OSBPL8: variants seen among roughly 807,000 people sequenced by gnomAD.
The protein encoded by OSBPL8 is oxysterol binding protein like 8, also known as oxysterol-binding protein-related protein 8.
OSBPL8 carries 59 observed loss-of-function variants against 125.5 expected under a neutral mutation model. That is an observed-to-expected ratio of 0.47 (90% CI 0.38 to 0.58). The LOEUF is 0.58. Ranked by LOEUF, OSBPL8 falls within the 20% of genes least tolerant of loss-of-function variation. OSBPL8 has a pLI of 0.00. For synonymous variants in OSBPL8, 330 were observed against 338.9 expected (o/e 0.97, Z 0.29); for missense variants, 758 against 1,047.8 (o/e 0.72, Z 3.82).
chr12:76,441,878 T>C (rs1279395251), intron 4 of OSBPL8, among the ~76,000 whole-genome samples: 1 of 152,090 alleles, frequency 6.6e-6, no homozygotes, highest in Non-Finnish European at 1.5e-5. Flanking sequence ...TTTGATAGCA[T>C]AACAGGGTGA....
intron 18 of OSBPL8, 59 bp downstream of exon 18, chr12:76,373,285 A>ATTT (rs71311107): frequency 8.9e-4 from 817 of 920,502 alleles, no homozygotes; most frequent in South Asian, 1.4e-3. Flanking sequence ...TTTAAATGTG[A>ATTT]TTTTTTTTTT....
chr12:76,513,601 G>C (rs973933587), intron 1 of OSBPL8, among the ~76,000 whole-genome samples: 1 of 151,750 alleles, frequency 6.6e-6, no homozygotes, highest in Non-Finnish European at 1.5e-5. Context: ...ATAAATCTGG[G>C]TGCTCCTGTG....
At chr12:76,505,200 G>T (rs1164822419) in intron 1 of OSBPL8, among the ~76,000 whole-genome samples, 1 of 152,132 alleles carries the variant, frequency 6.6e-6, no homozygotes, top group Non-Finnish European at 1.5e-5. Flanking sequence ...CAGCTGGCAA[G>T]AAGAACCCAT....
intron 2 of OSBPL8, among the ~76,000 whole-genome samples, chr12:76,465,998 T>A (rs1875381961): frequency 6.6e-6 from 1 of 151,694 alleles, no homozygotes; most frequent in African/African-American, 2.4e-5. Context: ...CAAGACTCTG[T>A]CTCAAAAAAG....
chr12:76,398,063 G>A (rs1299131163), intron 7 of OSBPL8, among the ~76,000 whole-genome samples, 166 bp from the exon 8 acceptor site: 1 of 152,156 alleles, frequency 6.6e-6, no homozygotes, highest in Admixed American at 6.5e-5. Context: ...ACATGAAAAT[G>A]ACATGGCTCT....
chr12:76,474,764 T>C (rs182241824), intron 2 of OSBPL8, among the ~76,000 whole-genome samples: 3 of 152,330 alleles, frequency 2.0e-5, no homozygotes, highest in Admixed American at 2.0e-4. Context: ...ATTACAGGCG[T>C]GAGCCACTGC....
At chr12:76,388,314 T>C (rs1953405338) in intron 12 of OSBPL8, among the ~76,000 whole-genome samples, 1 of 152,230 alleles carries the variant, frequency 6.6e-6, no homozygotes, top group Non-Finnish European at 1.5e-5. Flanking sequence ...TCTATACTTT[T>C]GGTAAATACT....
intron 1 of OSBPL8, among the ~76,000 whole-genome samples, chr12:76,544,231 A>T (rs1950722382): frequency 6.6e-6 from 1 of 152,080 alleles, no homozygotes; most frequent in Non-Finnish European, 1.5e-5. Context: ...AAACAGTTTC[A>T]CCCCTGCGGT....
In OSBPL8 at chr12:76,386,153, A is replaced by G. The variant is rs1287190177; in HGVS notation, c.1533+15T>C. ...TTCCAGATCAGTTTTGTTTCCATACATGCATTTCTAATACCTGTTCAGCAA... is the reference window on the plus strand; with the variant it reads ...TTCCAGATCAGTTTTGTTTCCATACGTGCATTTCTAATACCTGTTCAGCAA... On this transcript the variant is annotated intron_variant, in intron 14 of 23. Transcript: ENST00000261183. 6.2e-7 allele frequency: 1 copy of G among 1,600,416 alleles called. No individual in the cohort carries two copies. Among genetic ancestry groups the G allele is most frequent in the African/African-American group, 1.4e-5 (1 of 73,912 alleles).
chr12:76,371,556 T>G lies in OSBPL8; in HGVS notation c.1946A>C (p.Lys649Thr). 6.2e-7 allele frequency: 1 copy of G among 1,607,758 alleles called. No individual in the cohort carries two copies. The highest frequency in any genetic ancestry group is 8.5e-7 in the Non-Finnish European group (1 of 1,177,064). ...WDSEVFITDK[K>T]TDNSEVFWNP... ...CCAGAAAACCTCTGAATTATCAGTC[T>G]TTTTATCAGTAATAAAAACTTCACT... The change falls in exon 19 of 24, where the codon AAG becomes ACG. Residue 649 changes from lysine to threonine, a missense_variant. This residue lies in a region of OSBPL8 where 572 missense variants were observed against 762.0 expected (regional missense o/e 0.75). Coordinates refer to ENST00000261183, the MANE Select transcript of OSBPL8 (RefSeq NM_020841.5).
Position 76,546,885 on chromosome 12 carries a change from T to TA in OSBPL8, c.-68+12511dup, listed in dbSNP as rs546179008. Among the ~76,000 whole-genome samples, 894 of 152,078 alleles carry TA rather than the reference T, an allele frequency of 5.9e-3. 5 individuals carry two copies. The highest frequency in any genetic ancestry group is 0.034 in the Middle Eastern group (10 of 294). ...TGACTTCCTGGACAATGAGCAAATT[T>TA]AAAAAAAATGTAAAGGGGCCAATTA... is the stretch of plus-strand genomic sequence containing the variant. On this transcript the variant is annotated intron_variant, in intron 1 of 23. Transcript: ENST00000261183.
intron 11 of OSBPL8, chr12:76,390,047 C>A: frequency 2.4e-6 from 1 of 411,208 alleles, no homozygotes; most frequent in Non-Finnish European, 4.2e-6. Context: ...TACAAGAGAT[C>A]CACTACAAAA....
At chr12:76,547,645 GA>G (rs1950817644) in intron 1 of OSBPL8, among the ~76,000 whole-genome samples, 1 of 152,036 alleles carries the variant, frequency 6.6e-6, no homozygotes, top group African/African-American at 2.4e-5. Flanking sequence ...AGAAGTAAAT[GA>G]AAAAGAATAA....
chr12:76,445,174 T>C (rs1872602178), intron 4 of OSBPL8, among the ~76,000 whole-genome samples: 1 of 152,102 alleles, frequency 6.6e-6, no homozygotes, highest in Non-Finnish European at 1.5e-5. Flanking sequence ...TAGGAGGCTG[T>C]GGTACTACTC....
intron 10 of OSBPL8, among the ~76,000 whole-genome samples, 159 bp from the exon 11 acceptor site, chr12:76,390,816 C>T (rs1186909398): frequency 6.6e-6 from 1 of 151,886 alleles, no homozygotes; most frequent in Non-Finnish European, 1.5e-5. Flanking sequence ...TCAAAATAAC[C>T]CTATGAGATA....
chr12:76,371,633 G>T, intron 18 of OSBPL8, 49 bp from the exon 19 acceptor site: 1 of 1,439,310 alleles, frequency 6.9e-7, no homozygotes. Context: ...TACTTAGAAG[G>T]CAATTATATA....
chr12:76,354,178 A>G lies in OSBPL8; in HGVS notation c.*1711T>C, dbSNP rs1179841890. 6 of 152,422 alleles carry G rather than the reference A, an allele frequency of 3.9e-5. No individual in the cohort carries two copies. Among genetic ancestry groups the G allele is most frequent in the African/African-American group, 1.4e-4 (6 of 41,460 alleles). 9.4% of individuals were successfully genotyped at this position (152,422 alleles called of 1,614,324 possible). A position where few individuals can be genotyped will look rare whatever the true frequency, so the allele number is the denominator to read the frequency against. On this transcript the variant is annotated 3_prime_UTR_variant, in exon 24 of 24. Transcript: ENST00000261183. ...TATTGACAAATATAAAATATAACCA[A>G]AAACCCATTTGTTCTAATATCATGA... is the stretch of plus-strand genomic sequence containing the variant.
intron 4 of OSBPL8, among the ~76,000 whole-genome samples, chr12:76,417,324 T>C (rs1337543351): frequency 1.3e-5 from 2 of 152,252 alleles, no homozygotes; most frequent in Non-Finnish European, 2.9e-5. Context: ...GTTTTCACCC[T>C]CTGTCTTTGA....
Position 76,459,909 on chromosome 12 carries a change from GT to G in OSBPL8, c.43-15del, listed in dbSNP as rs1874505933. The G allele has an allele frequency of 6.2e-7, 1 of 1,613,358 alleles. No individual in the cohort carries two copies. Among genetic ancestry groups the G allele is most frequent in the Non-Finnish European group, 8.5e-7 (1 of 1,179,906 alleles). On this transcript the variant is annotated splice_polypyrimidine_tract_variant and intron_variant, in intron 2 of 23. Coordinates refer to ENST00000261183, the MANE Select transcript of OSBPL8 (RefSeq NM_020841.5). The stretch of plus-strand genomic sequence containing the variant: ...ATCACCAAGAAGCTTTTAAGGCAGG[GT>G]AATTGAGCAGCAAACAAATACAGTC...
Sources: allele counts gnomAD v4.1 joint callset (sites outside exome capture counted in the v4.1 genomes callset), GRCh38; gene constraint gnomAD v4.1.1; regional missense constraint gnomAD v4.1.1; transcripts MANE v1.5; gene names NCBI Gene and HGNC (gene_info 2026-07-23, HGNC 2026-07-21).